Variants in SOCS6 observed in about 807,000 individuals in gnomAD.
The protein encoded by SOCS6 is suppressor of cytokine signaling 6.
SOCS6 carries 5 observed loss-of-function variants against 27.7 expected under a neutral mutation model. That is an observed-to-expected ratio of 0.18 (90% confidence interval 0.09 to 0.38). The LOEUF is 0.38. SOCS6 is among the 10% of genes least tolerant of loss of function. SOCS6 has a pLI of 1.00. For synonymous variants in SOCS6, 271 were observed against 260.0 expected, an observed-to-expected ratio of 1.04 and a Z score of -0.41; for missense variants, 595 against 688.1, an observed-to-expected ratio of 0.86 and a Z score of 1.51.
At chr18:70,307,225 G>T (rs540705140) in intron 1 of SOCS6, among the ~76,000 whole-genome samples, 7 of 152,196 alleles carry the variant, frequency 4.6e-5, no homozygotes, top group Non-Finnish European at 1.0e-4. Flanking sequence ...TTGCATCACT[G>T]CACTCCAGCC....
chr18:70,299,206 G>T (rs41339747), intron 1 of SOCS6, among the ~76,000 whole-genome samples: 4,483 of 152,190 alleles, frequency 0.029, 244 homozygotes, highest in African/African-American at 0.1. Flanking sequence ...CAGGCAACGG[G>T]CTGAGTCCCA....
intron 1 of SOCS6, among the ~76,000 whole-genome samples, chr18:70,304,720 A>G (rs1375680971): frequency 2.0e-5 from 3 of 152,184 alleles, no homozygotes; most frequent in African/African-American, 7.2e-5. Context: ...TGATACACAG[A>G]TATTTTCTTC....
At position 70,324,784 on chromosome 18, in the gene SOCS6, A is replaced by G; in HGVS notation, c.116A>G (p.Asp39Gly). ...TCGCTAGCCAGTGACTTTGGAAAAGATGATTCCTTATTTGGTAGCTGCTAT... is the reference window on the plus strand; with the variant it reads ...TCGCTAGCCAGTGACTTTGGAAAAGGTGATTCCTTATTTGGTAGCTGCTAT... ...QPSLASDFGK[D>G]DSLFGSCYGK... The change falls in exon 2 of 2, where the codon GAT becomes GGT. Residue 39 changes from aspartate to glycine, a missense_variant. Coordinates refer to ENST00000397942, the MANE Select transcript of SOCS6 (RefSeq NM_004232.4). 7 of 1,614,220 alleles carry G rather than the reference A, an allele frequency of 4.3e-6. No individual in the cohort carries two copies. Among genetic ancestry groups the G allele is most frequent in the Middle Eastern group, 1.6e-4 (1 of 6,062 alleles).
At chr18:70,312,256 T>A (rs2062393525) in intron 1 of SOCS6, among the ~76,000 whole-genome samples, 1 of 152,194 alleles carries the variant, frequency 6.6e-6, no homozygotes, top group Non-Finnish European at 1.5e-5. Flanking sequence ...TGGCACATAG[T>A]AGGCCAATAT....
In SOCS6 at chr18:70,325,747, C is replaced by T. The variant is rs779619824; in HGVS notation, c.1079C>T (p.Ser360Leu). 6.2e-7 allele frequency: 1 copy of T among 1,614,192 alleles called. No individual in the cohort carries two copies. Among genetic ancestry groups the T allele is most frequent in the East Asian group, 2.2e-5 (1 of 44,876 alleles). Residue 360 changes from serine to leucine, a missense_variant, in exon 2 of 2, where the codon TCA becomes TTA. Around this residue, in one of 2 missense-constraint regions of SOCS6, gnomAD observed 467 missense variants for 481.1 expected, o/e 0.97. Coordinates refer to ENST00000397942, the MANE Select transcript of SOCS6 (RefSeq NM_004232.4). This position sits in a 1 kb window ranked among gnomAD's most constrained non-coding sequence, Gnocchi z 6.3. Reference protein sequence around the residue: ...SAPGVARVYDSVQSSGPMVVT... With the variant: ...SAPGVARVYDLVQSSGPMVVT... Reference sequence around the variant, plus strand: ...CCTGGGGTTGCAAGAGTTTATGACTCAGTGCAAAGTAGTGGTCCCATGGTT... The same window carrying T: ...CCTGGGGTTGCAAGAGTTTATGACTTAGTGCAAAGTAGTGGTCCCATGGTT...
chr18:70,295,297 G>C (rs939006641), intron 1 of SOCS6, among the ~76,000 whole-genome samples: 1 of 152,146 alleles, frequency 6.6e-6, no homozygotes, highest in Non-Finnish European at 1.5e-5. Context: ...CAGCGCTCTG[G>C]GTAGCTGATT....
rs1911347016 is a variant in SOCS6 at position 70,329,745 on chromosome 18, T to G, written c.*3469T>G. 6.0e-6 allele frequency: 1 copy of G among 167,082 alleles called. No individual in the cohort carries two copies. Among genetic ancestry groups the G allele is most frequent in the Non-Finnish European group, 1.5e-5 (1 of 68,098 alleles). 10.3% of individuals were successfully genotyped at this position (167,082 alleles called of 1,614,324 possible). ...GGTACACTAGCAATCACAAATATGG[T>G]TTCTTTTAATACTTTTTTAATCCTG... On this transcript the variant is annotated 3_prime_UTR_variant, in exon 2 of 2. Coordinates refer to ENST00000397942, the MANE Select transcript of SOCS6 (RefSeq NM_004232.4).
intron 1 of SOCS6, among the ~76,000 whole-genome samples, chr18:70,291,042 T>C (rs1400570268): frequency 6.6e-6 from 1 of 152,250 alleles, no homozygotes; most frequent in Admixed American, 6.5e-5. Flanking sequence ...CTTCCAGTGT[T>C]TTTCTTCATT....
chr18:70,302,996 T>TA (rs5826007), intron 1 of SOCS6, among the ~76,000 whole-genome samples: 6,994 of 152,052 alleles, frequency 0.046, 247 homozygotes, highest in Admixed American at 0.086. Flanking sequence ...CCATTTCCTT[T>TA]AAAAAAAAGT....
At position 70,329,587 on chromosome 18, in the gene SOCS6, A is replaced by G. The variant is rs1255220581; in HGVS notation, c.*3311A>G. 1 of 167,082 alleles carries G rather than the reference A, an allele frequency of 6.0e-6. No individual in the cohort carries two copies. Among genetic ancestry groups the G allele is most frequent in the Admixed American group, 6.5e-5 (1 of 15,282 alleles). The allele number at this position is 167,082 out of a possible 1,614,324, so 10.3% of individuals were successfully genotyped here. On this transcript the variant is annotated 3_prime_UTR_variant, in exon 2 of 2. Transcript: ENST00000397942. ...AATAATACATTTTCATTTAAATCTT[A>G]ATTGCTTTTCATTAAATGCGAAGTC...
intron 1 of SOCS6, among the ~76,000 whole-genome samples, chr18:70,303,404 G>GTT (rs202088658): frequency 2.6e-5 from 4 of 151,916 alleles, no homozygotes; most frequent in African/African-American, 9.7e-5. Context: ...ATATTTTTAT[G>GTT]TTTTTTTCTT....
chr18:70,324,558 G>T lies in SOCS6; in HGVS notation c.-111G>T, dbSNP rs1008153945. 13 of 712,740 alleles carry T rather than the reference G, an allele frequency of 1.8e-5. No individual in the cohort carries two copies. Among genetic ancestry groups the T allele is most frequent in the African/African-American group, 5.3e-5 (3 of 56,376 alleles). The allele number at this position is 712,740 out of a possible 1,614,324, so 44.2% of individuals were successfully genotyped here. On this transcript the variant is annotated 5_prime_UTR_variant, in exon 2 of 2. Transcript: ENST00000397942. ...TATTTTTTAGAAAATGGCTCCAAAG[G>T]TTAAATGAAGCAGGAAAAATACATA...
At chr18:70,294,251 C>T (rs1274838680) in intron 1 of SOCS6, among the ~76,000 whole-genome samples, 1 of 151,920 alleles carries the variant, frequency 6.6e-6, no homozygotes, top group East Asian at 1.9e-4. Context: ...GTAATAATTC[C>T]TATTTAAAGT....
intron 1 of SOCS6, among the ~76,000 whole-genome samples, chr18:70,306,395 A>G (rs1250935334): frequency 6.7e-6 from 1 of 149,678 alleles, no homozygotes; most frequent in Admixed American, 6.7e-5. Flanking sequence ...AGGCAGGAGA[A>G]TCTCTTGAAC....
At chr18:70,316,468 T>A (rs1159660102) in intron 1 of SOCS6, among the ~76,000 whole-genome samples, 1 of 152,192 alleles carries the variant, frequency 6.6e-6, no homozygotes, top group East Asian at 1.9e-4. Context: ...TCTTCATTTT[T>A]GTTTACTTCA....
In SOCS6 at chr18:70,318,797, G is replaced by A. The variant is rs555905204; in HGVS notation, c.-126-5746G>A. Among the ~76,000 whole-genome samples the A allele has an allele frequency of 4.6e-5, 7 of 152,204 alleles. No homozygotes were observed. In the South Asian group the frequency reaches 1.5e-3, roughly 32 times the overall value. On this transcript the variant is annotated intron_variant, in intron 1 of 1. Coordinates refer to ENST00000397942, the MANE Select transcript of SOCS6 (RefSeq NM_004232.4). ...CTAAAAATAGAATAATTAGCCAGGT[G>A]TGGTGGTGGGCGCCTATAATCCCAG...
intron 1 of SOCS6, among the ~76,000 whole-genome samples, chr18:70,317,276 C>T (rs942244557): frequency 1.3e-5 from 2 of 152,200 alleles, no homozygotes; most frequent in East Asian, 1.9e-4. Context: ...TAACTTAGCT[C>T]GCACTTATAA....
rs763112188 is a variant in SOCS6, at chr18:70,325,305, A to G, written c.637A>G (p.Ile213Val). The change falls in exon 2 of 2, where the codon ATT (isoleucine) becomes GTT (valine). Residue 213 changes from isoleucine (I) to valine (V), a missense_variant. By Grantham distance (29) the Ile-to-Val change is conservative (BLOSUM62 3). Around this residue, in one of 2 missense-constraint regions of SOCS6, gnomAD observed 467 missense variants for 481.1 expected, o/e 0.97. Transcript: ENST00000397942. This position sits in a 1 kb window ranked among gnomAD's most constrained non-coding sequence, Gnocchi z 6.3. ...CCTGGATGAACATGTGCCTGTCGTT[A>G]TTGGACTTATGCCTCAGGACTACAT... ...LHLDEHVPVVIGLMPQDYIQY... is the reference protein window; with the variant it reads ...LHLDEHVPVVVGLMPQDYIQY... The G allele has an allele frequency of 1.7e-5, 27 of 1,614,034 alleles. No individual in the cohort carries two copies. Among genetic ancestry groups the G allele is most frequent in the Non-Finnish European group, 2.1e-5 (25 of 1,180,036 alleles).
intron 1 of SOCS6, among the ~76,000 whole-genome samples, chr18:70,299,065 C>T (rs906989773): frequency 6.6e-6 from 1 of 152,058 alleles, no homozygotes; most frequent in Non-Finnish European, 1.5e-5. Flanking sequence ...GAGCTTACAG[C>T]GAGCCAAGAT....
Sources: gnomAD v4.1 joint callset for allele counts (sites outside exome capture counted in the v4.1 genomes callset) on GRCh38, gnomAD v4.1.1 for gene constraint, gnomAD v4.1.1 regional missense constraint, Gnocchi (gnomAD v3.1) non-coding constraint, MANE v1.5 for transcripts, NCBI Gene and HGNC (gene_info 2026-07-23, HGNC 2026-07-21) for gene names.